Variants in GPR39 observed in about 807,000 individuals in gnomAD.
GPR39 encodes the protein G protein-coupled receptor 39, also known as zinc sensing receptor.
A neutral mutation model predicts 18.4 loss-of-function variants in GPR39; 23 were observed. The observed-to-expected ratio is 1.25, with a 90% CI of 0.90 to 1.77. The LOEUF (loss-of-function observed/expected upper bound fraction) is 1.77, where lower values mean the gene tolerates loss of function less well. Among genes scored for constraint, GPR39 ranks in the 40% most tolerant of loss-of-function variants. GPR39 has a pLI of 0.00. For missense variants in GPR39, 647 were observed against 602.4 expected, an observed-to-expected ratio of 1.07 and a Z score of -0.78; for synonymous variants, 280 against 257.9, an observed-to-expected ratio of 1.09 and a Z score of -0.82.
At chr2:132,586,226 C>T (rs1186393924) in intron 1 of GPR39, among the ~76,000 whole-genome samples, 1 of 152,052 alleles carries the variant, frequency 6.6e-6, no homozygotes, top group African/African-American at 2.4e-5. Flanking sequence ...AGGGGAGCAA[C>T]AAAAAGCCAT....
At chr2:132,609,120 G>A (rs1681195024) in intron 1 of GPR39, among the ~76,000 whole-genome samples, 2 of 152,186 alleles carry the variant, frequency 1.3e-5, no homozygotes, top group South Asian at 2.1e-4. Flanking sequence ...GAGGGTACAC[G>A]ACAGCAGATA....
intron 1 of GPR39, among the ~76,000 whole-genome samples, chr2:132,465,648 T>A (rs1404531848): frequency 6.6e-6 from 1 of 152,196 alleles, no homozygotes; most frequent in Non-Finnish European, 1.5e-5. Flanking sequence ...GCTAAGGTTG[T>A]CACAGCGTTT....
chr2:132,645,149 G>T lies in GPR39; in HGVS notation c.905G>T (p.Arg302Leu). The change falls in exon 2 of 2, where the codon CGG (arginine) becomes CTG (leucine). Residue 302 changes from arginine to leucine, a missense_variant. By Grantham distance (102) the Arg-to-Leu change is moderately radical. This residue lies in a region of GPR39 where 581 missense variants were observed against 506.8 expected (regional missense o/e 1.15). Transcript: ENST00000329321. Reference sequence around the variant, plus strand: ...GTATGCTGGATGCCCAACCAGATTCGGAGGATCATGGCTGCGGCCAAACCC... The same window carrying T: ...GTATGCTGGATGCCCAACCAGATTCTGAGGATCATGGCTGCGGCCAAACCC... ...LAVCWMPNQIRRIMAAAKPKH... is the reference protein window; with the variant it reads ...LAVCWMPNQILRIMAAAKPKH... 1 of 1,614,054 alleles carries T rather than the reference G, an allele frequency of 6.2e-7. No homozygotes were observed. Among genetic ancestry groups the T allele is most frequent in the Non-Finnish European group, 8.5e-7 (1 of 1,180,012 alleles).
In GPR39 at chr2:132,633,338, CTGTGTGTGTGTGTGTGTGTG is replaced by C. The variant is rs55722602; in HGVS notation, c.857-11737_857-11718del. ...CCTTATCTTTAAACTCCAAATACCT[CTGTGTGTGTGTGTGTGTGTG>C]TGTGTGTGTGTGTGTGTGTGTGTGT... On this transcript the variant is annotated intron_variant, in intron 1 of 1. Transcript: ENST00000329321. Among the ~76,000 whole-genome samples the C allele has an allele frequency of 4.3e-3, 596 of 139,200 alleles. 1 individual carries two copies. The highest frequency in any genetic ancestry group is 0.011 in the Middle Eastern group (3 of 276). The allele number at this position is 139,200 out of a possible 152,430, so 91.3% of individuals were successfully genotyped here. A position where few individuals can be genotyped will look rare whatever the true frequency, so the allele number is the denominator to read the frequency against.
At chr2:132,516,368 G>A (rs1558823329) in intron 1 of GPR39, among the ~76,000 whole-genome samples, 1 of 152,168 alleles carries the variant, frequency 6.6e-6, no homozygotes, top group Admixed American at 6.5e-5. Context: ...AGATGGAATG[G>A]TCCACAATAT....
chr2:132,419,604 A>C (rs1301433405), intron 1 of GPR39, among the ~76,000 whole-genome samples: 1 of 152,246 alleles, frequency 6.6e-6, no homozygotes, highest in African/African-American at 2.4e-5. Flanking sequence ...TATTACAGAG[A>C]GGAATGGACA....
chr2:132,593,271 G>C (rs1256588259), intron 1 of GPR39, among the ~76,000 whole-genome samples: 1 of 152,088 alleles, frequency 6.6e-6, no homozygotes, highest in Non-Finnish European at 1.5e-5. Flanking sequence ...TCATAGCCCA[G>C]GTCTTCAGCT....
chr2:132,461,784 G>A (rs1680836924), intron 1 of GPR39, among the ~76,000 whole-genome samples: 1 of 152,188 alleles, frequency 6.6e-6, no homozygotes, highest in Non-Finnish European at 1.5e-5. Flanking sequence ...TATCTGTCAA[G>A]CACCTTGTGC....
rs1428024148 is a variant in GPR39, at chr2:132,646,405, T to A, written c.*799T>A. ...CCCACAGCCCAGAGACTAGGTGAGG[T>A]CAGGGAAGTGCTTCGGATTGTCTCA... On this transcript the variant is annotated 3_prime_UTR_variant, in exon 2 of 2. Coordinates refer to ENST00000329321, the MANE Select transcript of GPR39 (RefSeq NM_001508.3). The A allele has an allele frequency of 9.9e-6, 5 of 502,710 alleles. No individual in the cohort carries two copies. Among genetic ancestry groups the A allele is most frequent in the Non-Finnish European group, 1.7e-5 (5 of 300,026 alleles). The allele number at this position is 502,710 out of a possible 1,614,324, so 31.1% of individuals were successfully genotyped here. A position where few individuals can be genotyped will look rare whatever the true frequency, so the allele number is the denominator to read the frequency against.
At position 132,534,841 on chromosome 2, in the gene GPR39, G is replaced by C. The variant is rs112714963; in HGVS notation, c.857-110260G>C. Among the ~76,000 whole-genome samples the C allele has an allele frequency of 3.3e-5, 5 of 152,018 alleles. No homozygotes were observed. In the East Asian group the frequency reaches 7.7e-4, roughly 24 times the overall value. On this transcript the variant is annotated intron_variant, in intron 1 of 1. Coordinates refer to ENST00000329321, the MANE Select transcript of GPR39 (RefSeq NM_001508.3). ...ACATCACACACTGGGGACTGTTGTG[G>C]GGTTGGGGGAGGAGGGAGGGTTAGC... is the stretch of plus-strand genomic sequence containing the variant.
chr2:132,423,453 A>G (rs1573594434), intron 1 of GPR39, among the ~76,000 whole-genome samples: 1 of 152,170 alleles, frequency 6.6e-6, no homozygotes, highest in Admixed American at 6.5e-5. Flanking sequence ...GTGAATTTGC[A>G]GGGGACACAG....
intron 1 of GPR39, among the ~76,000 whole-genome samples, chr2:132,449,868 C>G (rs546777941): frequency 6.6e-6 from 1 of 152,134 alleles, no homozygotes; most frequent in East Asian, 1.9e-4. Flanking sequence ...CTTCTCTCCC[C>G]CTTCCTTGCT....
chr2:132,528,256 T>G (rs1392980239), intron 1 of GPR39, among the ~76,000 whole-genome samples: 1 of 152,180 alleles, frequency 6.6e-6, no homozygotes, highest in African/African-American at 2.4e-5. Flanking sequence ...GTGGTGTTAT[T>G]TCTGAGTTCT....
chr2:132,520,230 C>T (rs967673893), intron 1 of GPR39, among the ~76,000 whole-genome samples: 1 of 152,194 alleles, frequency 6.6e-6, no homozygotes, highest in African/African-American at 2.4e-5. Flanking sequence ...AAGCTTCCCC[C>T]ACTCCACTCC....
intron 1 of GPR39, among the ~76,000 whole-genome samples, chr2:132,521,576 C>T (rs913802017): frequency 3.9e-5 from 6 of 152,172 alleles, no homozygotes; most frequent in Non-Finnish European, 7.3e-5. Flanking sequence ...TCCTCGGCTC[C>T]ATCCCCCAGA....
intron 1 of GPR39, among the ~76,000 whole-genome samples, chr2:132,498,377 A>T (rs984138513): frequency 1.3e-5 from 2 of 152,218 alleles, no homozygotes. Flanking sequence ...TGGAGTCTCC[A>T]GTTCCATTCA....
chr2:132,542,542 TA>T (rs1395194180), intron 1 of GPR39, among the ~76,000 whole-genome samples: 1 of 152,188 alleles, frequency 6.6e-6, no homozygotes, highest in Non-Finnish European at 1.5e-5. Flanking sequence ...CCTCCTATCA[TA>T]GACCTGGAAG....
chr2:132,588,082 T>C (rs922388228), intron 1 of GPR39, among the ~76,000 whole-genome samples: 2 of 152,052 alleles, frequency 1.3e-5, no homozygotes, highest in Non-Finnish European at 2.9e-5. Flanking sequence ...AGGTTCAGCC[T>C]GGAAAGAGAC....
At chr2:132,571,220 A>G (rs1231942028) in intron 1 of GPR39, among the ~76,000 whole-genome samples, 1 of 152,224 alleles carries the variant, frequency 6.6e-6, no homozygotes, top group Non-Finnish European at 1.5e-5. Flanking sequence ...TAGAATCGAC[A>G]TCTTACATGG....
Sources: gnomAD v4.1 joint callset for allele counts (sites outside exome capture counted in the v4.1 genomes callset) on GRCh38, gnomAD v4.1.1 for gene constraint, gnomAD v4.1.1 regional missense constraint, MANE v1.5 for transcripts, NCBI Gene and HGNC (gene_info 2026-07-23, HGNC 2026-07-21) for gene names.